The following PCDHGA6 variants were observed in gnomAD, a reference collection of about 807,000 sequenced individuals.
The protein encoded by PCDHGA6 is protocadherin gamma subfamily A, 6.
A neutral mutation model predicts 60.6 loss-of-function variants in PCDHGA6; 41 were observed. The ratio of observed to expected loss-of-function variants is 0.68; its 90% CI spans 0.53 to 0.88. The LOEUF (loss-of-function observed/expected upper bound fraction) is 0.88, where lower values mean the gene tolerates loss of function less well. PCDHGA6 is among the 40% of genes least tolerant of loss of function. The pLI, the probability that PCDHGA6 is intolerant of heterozygous loss-of-function variation, is 0.00. For missense variants in PCDHGA6, 1,312 were observed against 1,203.0 expected (o/e 1.09, Z -1.34); for synonymous variants, 594 against 524.4 (o/e 1.13, Z -1.81).
intron 1 of PCDHGA6, chr5:141,415,308 C>A: frequency 6.2e-7 from 1 of 1,614,236 alleles, no homozygotes; most frequent in Non-Finnish European, 8.5e-7. Context: ...TCCTGGCCTT[C>A]GTCATCGTGC....
rs775895766 is a variant in PCDHGA6, at chr5:141,384,987, G to T, written c.2424+8480G>T. On this transcript the variant is annotated intron_variant, in intron 1 of 3. Coordinates refer to ENST00000517434, the MANE Select transcript of PCDHGA6 (RefSeq NM_018919.3). ...ACCTCACGTTGTACCTGGTGGTGGC[G>T]GTGGCCACAGTCTCCTGCGTCTTCC... The T allele has an allele frequency of 3.7e-6, 6 of 1,613,996 alleles. No individual in the cohort carries two copies. The African/African-American group carries it at 6.7e-5, about 18-fold the overall frequency.
Position 141,379,889 on chromosome 5 carries a change from C to CTTTTTTTT in PCDHGA6, c.2424+3405_2424+3412dup, listed in dbSNP as rs70988800. On this transcript the variant is annotated intron_variant, in intron 1 of 3. Transcript: ENST00000517434. ...CTTATTTTATGGTCTGTGAAAGCCT[C>CTTTTTTTT]TTTTTTTTTTTTTTTTTTTTTTTTT... Among the ~76,000 whole-genome samples the CTTTTTTTT allele has an allele frequency of 4.7e-3, 239 of 50,824 alleles. 36 individuals carry two copies. The highest frequency in any genetic ancestry group is 8.3e-3 in the African/African-American group (125 of 15,078). The allele number at this position is 50,824 out of a possible 152,430, so 33.3% of individuals were successfully genotyped here.
intron 1 of PCDHGA6, chr5:141,440,987 A>C (rs2098217413): frequency 6.6e-6 from 1 of 152,278 alleles, no homozygotes; most frequent in African/African-American, 2.4e-5. Flanking sequence ...AACCCAGAGT[A>C]CCCATATCTA....
At chr5:141,505,245 A>G (rs530515894) in intron 2 of PCDHGA6, 148 bp from the exon 3 acceptor site, 294 of 1,430,832 alleles carry the variant, frequency 2.1e-4, no homozygotes, top group Admixed American at 1.8e-3. Flanking sequence ...GAAGGATTGT[A>G]GAAGTGCCTC....
At chr5:141,398,009 C>T (rs1589315775) in intron 1 of PCDHGA6, 2 of 1,400,564 alleles carry the variant, frequency 1.4e-6, no homozygotes, top group Non-Finnish European at 1.9e-6. Flanking sequence ...GAAAAAGAAT[C>T]GTTTCCTAAA....
chr5:141,400,071 G>A (rs2093956056), intron 1 of PCDHGA6: 1 of 1,613,824 alleles, frequency 6.2e-7, no homozygotes, highest in African/African-American at 1.3e-5. Flanking sequence ...GTGGACAGCC[G>A]CCACTCTCCG....
intron 2 of PCDHGA6, among the ~76,000 whole-genome samples, chr5:141,499,780 G>A (rs776654854): frequency 1.4e-5 from 2 of 145,766 alleles, no homozygotes; most frequent in Non-Finnish European, 3.0e-5. Flanking sequence ...TTCGCCTCCC[G>A]GGTTCAAGCA....
intron 1 of PCDHGA6, among the ~76,000 whole-genome samples, chr5:141,463,618 T>G (rs2099065558): frequency 6.6e-6 from 1 of 151,792 alleles, no homozygotes; most frequent in African/African-American, 2.4e-5. Context: ...CCGGCTAATT[T>G]TTTGTATTTT....
chr5:141,433,935 T>C (rs2097665519), intron 1 of PCDHGA6, among the ~76,000 whole-genome samples: 1 of 152,150 alleles, frequency 6.6e-6, no homozygotes, highest in African/African-American at 2.4e-5. Context: ...GATTTTATAA[T>C]TCCATTGTTT....
At chr5:141,389,860 A>G (rs1274502656) in intron 1 of PCDHGA6, 2 of 1,614,052 alleles carry the variant, frequency 1.2e-6, no homozygotes, top group African/African-American at 2.7e-5. Flanking sequence ...GCCACGTTGC[A>G]CCTGGTCTTC....
At position 141,477,938 on chromosome 5, in the gene PCDHGA6, T is replaced by C. The variant is rs1441443411; in HGVS notation, c.2425-16869T>C. The stretch of plus-strand genomic sequence containing the variant: ...TGCAGGGCACAATGCCTGGCTCTCC[T>C]ACAGTCTCTTGGGATCCCCTAACCA... On this transcript the variant is annotated intron_variant, in intron 1 of 3. Transcript: ENST00000517434. The surrounding 1 kb of genome is among the most constrained non-coding windows in gnomAD (Gnocchi z 4.9). The C allele has an allele frequency of 3.1e-6, 5 of 1,614,036 alleles. No homozygotes were observed. The highest frequency in any genetic ancestry group is 4.2e-6 in the Non-Finnish European group (5 of 1,180,030).
At chr5:141,474,745 C>T (rs935430941) in intron 1 of PCDHGA6, among the ~76,000 whole-genome samples, 2 of 152,174 alleles carry the variant, frequency 1.3e-5, no homozygotes, top group East Asian at 3.9e-4. Context: ...AAGTGATGTC[C>T]AAGACAAATA....
rs1296373171 is a variant in PCDHGA6, at chr5:141,374,934, T to C, written c.851T>C (p.Ile284Thr). 1.2e-6 allele frequency: 2 copies of C among 1,614,038 alleles called. No individual in the cohort carries two copies. Among genetic ancestry groups the C allele is most frequent in the Admixed American group, 1.7e-5 (1 of 60,036 alleles). ...HGEVTYSFVKITEKISQIFCL... is the reference protein window; with the variant it reads ...HGEVTYSFVKTTEKISQIFCL... ...GAAGTAACTTATTCCTTTGTGAAGA[T>C]TACAGAAAAGATCTCACAAATTTTC... The change falls in exon 1 of 4, where the codon ATT becomes ACT. Residue 284 changes from isoleucine to threonine, a missense_variant. Coordinates refer to ENST00000517434, the MANE Select transcript of PCDHGA6 (RefSeq NM_018919.3).
rs1457243337 is a variant in PCDHGA6 at position 141,493,567 on chromosome 5, C to T, written c.2425-1240C>T. Reference sequence around the variant, plus strand: ...TTTGGAGATTGAGTTCCCCCAGCTCCGTTTCCTCCTATCACAATCACTGCA... The same window carrying T: ...TTTGGAGATTGAGTTCCCCCAGCTCTGTTTCCTCCTATCACAATCACTGCA... On this transcript the variant is annotated intron_variant, in intron 1 of 3. Transcript: ENST00000517434. This position sits in a 1 kb window ranked among gnomAD's most constrained non-coding sequence, Gnocchi z 4.3. Among the ~76,000 whole-genome samples, 3 of 152,266 alleles carry T rather than the reference C, an allele frequency of 2.0e-5. No individual in the cohort carries two copies. The highest frequency in any genetic ancestry group is 4.4e-5 in the Non-Finnish European group (3 of 68,018).
chr5:141,415,690 G>C (rs1218128531), intron 1 of PCDHGA6: 4 of 1,512,972 alleles, frequency 2.6e-6, no homozygotes, highest in Non-Finnish European at 3.6e-6. Context: ...CATGATGGTG[G>C]AAAGTGTAAA....
chr5:141,413,417 T>A (rs777399697), intron 1 of PCDHGA6: 1 of 1,614,086 alleles, frequency 6.2e-7, no homozygotes, highest in Non-Finnish European at 8.5e-7. Context: ...CTTTTCTCTC[T>A]GAACCCGCGC....
At chr5:141,389,367 G>A (rs1402654392) in intron 1 of PCDHGA6, 4 of 1,613,806 alleles carry the variant, frequency 2.5e-6, no homozygotes, top group South Asian at 1.1e-5. Context: ...CAGTGACCTG[G>A]AGCAGCGGGA....
At chr5:141,376,652 C>T (rs1030026607) in intron 1 of PCDHGA6, 145 bp downstream of exon 1, 3 of 877,708 alleles carry the variant, frequency 3.4e-6, no homozygotes, top group East Asian at 2.7e-5. Context: ...AAGTGGAAGA[C>T]TCCCTTGTTC....
rs543209695 is a variant in PCDHGA6, at chr5:141,431,563, C to A, written c.2424+55056C>A. The stretch of plus-strand genomic sequence containing the variant: ...AGCTGCTTGTAGTCAACGCTACCGA[C>A]CCTGACGAAGGAGTCAATGCGGAAG... On this transcript the variant is annotated intron_variant, in intron 1 of 3. Coordinates refer to ENST00000517434, the MANE Select transcript of PCDHGA6 (RefSeq NM_018919.3). The surrounding 1 kb of genome is among the most constrained non-coding windows in gnomAD (Gnocchi z 4.8). 1.2e-6 allele frequency: 2 copies of A among 1,614,144 alleles called. No individual in the cohort carries two copies. The highest frequency in any genetic ancestry group is 2.7e-5 in the African/African-American group (2 of 75,072).
Sources: allele counts gnomAD v4.1 joint callset (sites outside exome capture counted in the v4.1 genomes callset), GRCh38; gene constraint gnomAD v4.1.1; non-coding constraint Gnocchi (gnomAD v3.1); transcripts MANE v1.5; gene names NCBI Gene and HGNC (gene_info 2026-07-23, HGNC 2026-07-21).